OAS3: variants seen among roughly 807,000 people sequenced by gnomAD.
OAS3 encodes 2'-5'-oligoadenylate synthase 3.
Under a neutral mutation model 113.0 loss-of-function variants are expected in OAS3, and 107 were observed. The ratio of observed to expected loss-of-function variants is 0.95; its 90% confidence interval spans 0.81 to 1.11. The LOEUF is 1.11. Ranked by LOEUF, OAS3 falls within the 50% of genes most tolerant of loss-of-function variation. The pLI, the probability that OAS3 is intolerant of heterozygous loss-of-function variation, is 0.00. For missense variants in OAS3, 1,258 were observed against 1,389.1 expected (o/e 0.91, Z 1.50); for synonymous variants, 552 against 573.6 (o/e 0.96, Z 0.54).
chr12:112,958,939 A>G (rs2043859245), intron 7 of OAS3, among the ~76,000 whole-genome samples: 1 of 152,244 alleles, frequency 6.6e-6, no homozygotes. Context: ...CCCTGCCTCC[A>G]GAGATGGAGT....
At position 112,970,152 on chromosome 12, in the gene OAS3, C is replaced by G; in HGVS notation, c.*179C>G. ...TGTTTTAGTGAATCTGCTCTCCCAGCTCACACACTCCCCTGCCTCCCATGG... is the reference window on the plus strand; with the variant it reads ...TGTTTTAGTGAATCTGCTCTCCCAGGTCACACACTCCCCTGCCTCCCATGG... On this transcript the variant is annotated 3_prime_UTR_variant, in exon 16 of 16. Transcript: ENST00000228928. 1.4e-6 allele frequency: 1 copy of G among 712,682 alleles called. No homozygotes were observed. The highest frequency in any genetic ancestry group is 2.4e-6 in the Non-Finnish European group (1 of 411,052). The allele number at this position is 712,682 out of a possible 1,614,324, so 44.1% of individuals were successfully genotyped here.
At position 112,970,431 on chromosome 12, in the gene OAS3, A is replaced by C; in HGVS notation, c.*458A>C. On this transcript the variant is annotated 3_prime_UTR_variant, in exon 16 of 16. Coordinates refer to ENST00000228928, the MANE Select transcript of OAS3 (RefSeq NM_006187.4). ...TATATAGGGATGGCAGAGAGTTCCC[A>C]TCTCATCTGTCAGCCACAGTCATTT... 5.4e-6 allele frequency: 1 copy of C among 186,766 alleles called. No homozygotes were observed. The highest frequency in any genetic ancestry group is 1.1e-5 in the Non-Finnish European group (1 of 89,072). 11.6% of individuals were successfully genotyped at this position (186,766 alleles called of 1,614,324 possible).
chr12:112,971,623 C>T lies in OAS3; in HGVS notation c.*1650C>T, dbSNP rs1036512091. ...CACAGGAGTGCCTTAGACAGCCTGA[C>T]TCTCCACAAACCACTGTTAAAACTT... On this transcript the variant is annotated 3_prime_UTR_variant, in exon 16 of 16. Transcript: ENST00000228928. 3 of 152,232 alleles carry T rather than the reference C, an allele frequency of 2.0e-5. No individual in the cohort carries two copies. Among genetic ancestry groups the T allele is most frequent in the African/African-American group, 7.2e-5 (3 of 41,456 alleles). 9.4% of individuals were successfully genotyped at this position (152,232 alleles called of 1,614,324 possible).
intron 6 of OAS3, among the ~76,000 whole-genome samples, chr12:112,949,609 A>G (rs2043770275): frequency 6.6e-6 from 1 of 152,110 alleles, no homozygotes; most frequent in Non-Finnish European, 1.5e-5. Context: ...CCTAGAAGAA[A>G]ATGAGAATTC....
At position 112,955,041 on chromosome 12, in the gene OAS3, A is replaced by T. The variant is rs183573575; in HGVS notation, c.1657+4066A>T. 3.3e-5 allele frequency among the ~76,000 whole-genome samples: 5 copies of T among 152,190 alleles called. No homozygotes were observed. The East Asian group carries it at 9.7e-4, about 29-fold the overall frequency. On this transcript the variant is annotated intron_variant, in intron 7 of 15. Coordinates refer to ENST00000228928, the MANE Select transcript of OAS3 (RefSeq NM_006187.4). ...CTCCTTGAAGAAGTCCTTCACATCC[A>T]TTGTAAGTTGGATTCCTGGGTATTT...
At chr12:112,968,266 C>G in intron 14 of OAS3, 92 bp downstream of exon 14, 2 of 1,445,290 alleles carry the variant, frequency 1.4e-6, no homozygotes, top group Non-Finnish European at 1.8e-6. Flanking sequence ...TGGGAAAACA[C>G]TCTTCCTAGA....
At chr12:112,969,816 G>T in intron 15 of OAS3, 61 bp downstream of exon 15, 1 of 1,600,430 alleles carries the variant, frequency 6.2e-7, no homozygotes, top group Non-Finnish European at 8.5e-7. Context: ...GCATGGTCAG[G>T]GGAGGGACAT....
intron 7 of OAS3, among the ~76,000 whole-genome samples, chr12:112,957,854 C>T (rs1384733348): frequency 6.6e-6 from 1 of 152,098 alleles, no homozygotes; most frequent in African/African-American, 2.4e-5. Context: ...GTGGTGTTCT[C>T]TGTATTTCCT....
intron 12 of OAS3, 127 bp from the exon 13 acceptor site, chr12:112,967,291 C>T (rs760021707): frequency 3.3e-5 from 27 of 820,770 alleles, no homozygotes; most frequent in African/African-American, 5.2e-5. Context: ...CTGTGGCCTC[C>T]CAGTGGATCC....
intron 7 of OAS3, among the ~76,000 whole-genome samples, chr12:112,952,266 T>A (rs1400459707): frequency 6.6e-6 from 1 of 152,200 alleles, no homozygotes; most frequent in East Asian, 1.9e-4. Context: ...TATTATTAAG[T>A]AATAATCTTC....
chr12:112,970,134 G>T lies in OAS3; in HGVS notation c.*161G>T. ...CACACGTGTGCATGTGTGTGTTTTA[G>T]TGAATCTGCTCTCCCAGCTCACACA... On this transcript the variant is annotated 3_prime_UTR_variant, in exon 16 of 16. Coordinates refer to ENST00000228928, the MANE Select transcript of OAS3 (RefSeq NM_006187.4). The T allele has an allele frequency of 2.5e-6, 2 of 808,930 alleles. No homozygotes were observed. Among genetic ancestry groups the T allele is most frequent in the Non-Finnish European group, 4.1e-6 (2 of 488,522 alleles). The allele number at this position is 808,930 out of a possible 1,614,324, so 50.1% of individuals were successfully genotyped here.
At chr12:112,961,672 G>A (rs1296414894) in intron 8 of OAS3, among the ~76,000 whole-genome samples, 1 of 152,216 alleles carries the variant, frequency 6.6e-6, no homozygotes, top group Non-Finnish European at 1.5e-5. Flanking sequence ...AAAAACCAGA[G>A]CACTTGAACA....
At position 112,950,760 on chromosome 12, in the gene OAS3, A is replaced by G. The variant is rs368263325; in HGVS notation, c.1442A>G (p.Asn481Ser). Residue 481 changes from asparagine (N) to serine (S), a missense_variant, in exon 7 of 16, where the codon AAC (asparagine) becomes AGC (serine). Physicochemically the swap from Asn to Ser is conservative, Grantham distance 46. Coordinates refer to ENST00000228928, the MANE Select transcript of OAS3 (RefSeq NM_006187.4). ...GCDVELIIFL[N>S]CFTDYKDQGP... is the part of the protein sequence containing the mutation. ...GATGTTGAACTCATCATCTTCCTCA[A>G]CTGCTTCACGGACTACAAGGACCAG... 3 of 1,613,882 alleles carry G rather than the reference A, an allele frequency of 1.9e-6. No individual in the cohort carries two copies. Among genetic ancestry groups the G allele is most frequent in the South Asian group, 1.1e-5 (1 of 91,080 alleles).
chr12:112,950,613 T>C, intron 6 of OAS3, 80 bp from the exon 7 acceptor site: 3 of 1,517,976 alleles, frequency 2.0e-6, no homozygotes, highest in South Asian at 2.5e-5. Context: ...AGGCTGTAGA[T>C]GGGGCGCAGG....
At chr12:112,953,207 A>G (rs1393993159) in intron 7 of OAS3, among the ~76,000 whole-genome samples, 1 of 150,944 alleles carries the variant, frequency 6.6e-6, no homozygotes. Context: ...CTCATTGTTC[A>G]GTTCCCACCT....
intron 6 of OAS3, among the ~76,000 whole-genome samples, chr12:112,950,231 A>G (rs1355835258): frequency 6.6e-6 from 1 of 151,030 alleles, no homozygotes; most frequent in Non-Finnish European, 1.5e-5. Flanking sequence ...GAGCACTTAC[A>G]TGTATCGGAT....
chr12:112,950,777 A>G lies in OAS3; in HGVS notation c.1459A>G (p.Lys487Glu). The change falls in exon 7 of 16, where the codon AAG becomes GAG. Residue 487 changes from lysine to glutamate, a missense_variant. Lys to Glu is a moderately conservative substitution (Grantham distance 56, BLOSUM62 1). Transcript: ENST00000228928. ...CTTCCTCAACTGCTTCACGGACTAC[A>G]AGGACCAGGGGCCCCGCCGCGCAGA... is the stretch of plus-strand genomic sequence containing the variant. ...IIFLNCFTDY[K>E]DQGPRRAEIL... The G allele has an allele frequency of 1.9e-6, 3 of 1,614,012 alleles. No individual in the cohort carries two copies. The highest frequency in any genetic ancestry group is 2.5e-6 in the Non-Finnish European group (3 of 1,179,892).
At position 112,954,596 on chromosome 12, in the gene OAS3, C is replaced by G. The variant is rs558834053; in HGVS notation, c.1657+3621C>G. ...CAGGCGTGAGCCACTGCGCCTGGCC[C>G]CATTTCTTGTTTTTGTCAGGTTTGT... On this transcript the variant is annotated intron_variant, in intron 7 of 15. Coordinates refer to ENST00000228928, the MANE Select transcript of OAS3 (RefSeq NM_006187.4). This position sits in a 1 kb window ranked among gnomAD's most constrained non-coding sequence, Gnocchi z 4.0. Among the ~76,000 whole-genome samples the G allele has an allele frequency of 1.3e-5, 2 of 152,224 alleles. No homozygotes were observed. The highest frequency in any genetic ancestry group is 1.9e-4 in the East Asian group (1 of 5,182).
intron 8 of OAS3, among the ~76,000 whole-genome samples, chr12:112,961,913 A>G (rs1314527989): frequency 1.3e-5 from 2 of 151,822 alleles, no homozygotes; most frequent in Non-Finnish European, 2.9e-5. Flanking sequence ...CTCCTGCCTC[A>G]GCCCCCGTAG....
Sources: gnomAD v4.1 joint callset for allele counts (sites outside exome capture counted in the v4.1 genomes callset) on GRCh38, gnomAD v4.1.1 for gene constraint, Gnocchi (gnomAD v3.1) non-coding constraint, MANE v1.5 for transcripts, NCBI Gene and HGNC (gene_info 2026-07-23, HGNC 2026-07-21) for gene names.